KCNQ5: variants seen among roughly 807,000 people sequenced by gnomAD.
The protein encoded by KCNQ5 is potassium voltage-gated channel subfamily Q member 5.
In KCNQ5, 30 loss-of-function variants were observed where a neutral mutation model predicts 98.2. The observed-to-expected ratio is 0.31, with a 90% CI of 0.23 to 0.41. The LOEUF is 0.41. Ranked by LOEUF, KCNQ5 falls within the 10% of genes least tolerant of loss-of-function variation. KCNQ5 has a pLI of 1.00. For missense variants in KCNQ5, 835 were observed against 1,182.5 expected, an observed-to-expected ratio of 0.71 and a Z score of 4.31; for synonymous variants, 458 against 449.4, an observed-to-expected ratio of 1.02 and a Z score of -0.24.
At chr6:73,114,448 A>ATTT (rs1386431900) in intron 7 of KCNQ5, among the ~76,000 whole-genome samples, 2 of 152,256 alleles carry the variant, frequency 1.3e-5, no homozygotes, top group Non-Finnish European at 2.9e-5. Context: ...AAACCCCAGA[A>ATTT]GCTTGCAGCA....
chr6:73,112,447 G>T (rs1165206684), intron 7 of KCNQ5, among the ~76,000 whole-genome samples: 7 of 151,424 alleles, frequency 4.6e-5, no homozygotes, highest in Admixed American at 4.6e-4. Flanking sequence ...CTGGGTTCAC[G>T]CCATTCTCCT....
chr6:72,986,831 C>A, intron 1 of KCNQ5: 3 of 1,093,594 alleles, frequency 2.7e-6, no homozygotes, highest in Non-Finnish European at 4.2e-6. Context: ...AAAGGGGGCC[C>A]AGGACCCCAC....
chr6:73,171,444 C>A (rs1409429813), intron 11 of KCNQ5, among the ~76,000 whole-genome samples: 1 of 152,102 alleles, frequency 6.6e-6, no homozygotes, highest in Non-Finnish European at 1.5e-5. Flanking sequence ...GCCCAGATAA[C>A]CCAGAATATG....
intron 1 of KCNQ5, among the ~76,000 whole-genome samples, chr6:72,645,390 A>G (rs1415760216): frequency 3.7e-5 from 1 of 27,324 alleles, no homozygotes; most frequent in East Asian, 3.4e-3. Context: ...TGTCTCAAGG[A>G]AAAAAAAAAA....
chr6:73,176,630 G>T (rs1431102608), intron 11 of KCNQ5, among the ~76,000 whole-genome samples: 3 of 152,274 alleles, frequency 2.0e-5, no homozygotes, highest in Admixed American at 6.5e-5. Context: ...GGCCTGAGCT[G>T]GGCAGTCATG....
At chr6:72,956,919 T>C (rs979855601) in intron 1 of KCNQ5, among the ~76,000 whole-genome samples, 1 of 151,998 alleles carries the variant, frequency 6.6e-6, no homozygotes, top group Non-Finnish European at 1.5e-5. Context: ...ATAGAGTTAC[T>C]GTTAATAGAC....
At chr6:72,998,067 G>C (rs530405484) in intron 1 of KCNQ5, among the ~76,000 whole-genome samples, 12 of 152,312 alleles carry the variant, frequency 7.9e-5, no homozygotes, top group East Asian at 3.9e-4. Context: ...AAAGTACCAA[G>C]TTTAGAAAGA....
In KCNQ5 at chr6:72,894,657, G is replaced by A. The variant is rs145796134; in HGVS notation, c.399-109251G>A. 4.8e-3 allele frequency among the ~76,000 whole-genome samples: 730 copies of A among 152,228 alleles called. 12 individuals carry two copies. Among genetic ancestry groups the A allele is most frequent in the East Asian group, 0.02 (106 of 5,182 alleles). On this transcript the variant is annotated intron_variant, in intron 1 of 13. Coordinates refer to ENST00000370398, the MANE Select transcript of KCNQ5 (RefSeq NM_019842.4). ...ATTCCTCATGGAGACTGTCAGCTCT[G>A]CCTGATTAACTGAAAACTAGCATAA...
intron 2 of KCNQ5, among the ~76,000 whole-genome samples, chr6:73,037,116 A>AG (rs1771468693): frequency 6.6e-6 from 1 of 152,170 alleles, no homozygotes; most frequent in African/African-American, 2.4e-5. Context: ...ATGTCAAATA[A>AG]CTTTTCATGT....
chr6:73,124,694 C>T (rs987489893), intron 9 of KCNQ5, 182 bp downstream of exon 9: 13 of 626,254 alleles, frequency 2.1e-5, no homozygotes, highest in Non-Finnish European at 2.9e-6. Flanking sequence ...ATCAAAGTGT[C>T]TTTCCCTAAC....
intron 2 of KCNQ5, among the ~76,000 whole-genome samples, chr6:73,012,997 C>A (rs1770154817): frequency 6.6e-6 from 1 of 151,982 alleles, no homozygotes; most frequent in Non-Finnish European, 1.5e-5. Context: ...ATCATGGGAT[C>A]TTCCATGTTT....
intron 1 of KCNQ5, among the ~76,000 whole-genome samples, chr6:72,840,754 C>G (rs16882934): frequency 0.079 from 12,082 of 152,210 alleles, 506 homozygotes; most frequent in East Asian, 0.12. Flanking sequence ...GCCAGAAACA[C>G]CTTGCAATAA....
chr6:72,685,674 G>A (rs186012111), intron 1 of KCNQ5, among the ~76,000 whole-genome samples: 4 of 152,272 alleles, frequency 2.6e-5, no homozygotes, highest in Admixed American at 2.6e-4. Context: ...ATAGTATACA[G>A]AATTCCATCA....
chr6:73,151,416 TC>T (rs1777141709), intron 10 of KCNQ5, among the ~76,000 whole-genome samples: 1 of 152,222 alleles, frequency 6.6e-6, no homozygotes, highest in Non-Finnish European at 1.5e-5. Context: ...TTTTCACTCT[TC>T]CTTCTGCAGA....
intron 3 of KCNQ5, among the ~76,000 whole-genome samples, chr6:73,074,680 T>G (rs1773446408): frequency 6.6e-6 from 1 of 152,126 alleles, no homozygotes; most frequent in Admixed American, 6.5e-5. Flanking sequence ...CCTCGCTTTT[T>G]TCATCTGTAA....
At chr6:72,892,650 C>T (rs1421053522) in intron 1 of KCNQ5, among the ~76,000 whole-genome samples, 5 of 151,782 alleles carry the variant, frequency 3.3e-5, no homozygotes, top group South Asian at 4.2e-4. Context: ...AAGCAATTTG[C>T]AGACCGACAC....
chr6:73,066,897 A>G (rs1357870138), intron 3 of KCNQ5, among the ~76,000 whole-genome samples: 1 of 152,200 alleles, frequency 6.6e-6, no homozygotes, highest in African/African-American at 2.4e-5. Context: ...GTTGGCAATA[A>G]AACATCTGGC....
At chr6:72,644,503 G>A (rs1765486494) in intron 1 of KCNQ5, among the ~76,000 whole-genome samples, 1 of 152,148 alleles carries the variant, frequency 6.6e-6, no homozygotes, top group African/African-American at 2.4e-5. Context: ...GACCTCAAAA[G>A]TGCTGTATTA....
intron 3 of KCNQ5, among the ~76,000 whole-genome samples, chr6:73,046,054 C>A (rs1227141063): frequency 2.0e-5 from 3 of 152,098 alleles, no homozygotes; most frequent in Non-Finnish European, 4.4e-5. Flanking sequence ...AAATCGACCA[C>A]ATGGCTGAGA....
Sources: allele counts gnomAD v4.1 joint callset (sites outside exome capture counted in the v4.1 genomes callset), GRCh38; gene constraint gnomAD v4.1.1; transcripts MANE v1.5; gene names NCBI Gene and HGNC (gene_info 2026-07-23, HGNC 2026-07-21).